The following SLC8B1 variants were observed in gnomAD, a reference collection of about 807,000 sequenced individuals.
The protein encoded by SLC8B1 is solute carrier family 8 member B1.
SLC8B1 carries 52 observed loss-of-function variants against 63.4 expected under a neutral mutation model. That is an observed-to-expected ratio of 0.82 (90% CI 0.66 to 1.03). The LOEUF is 1.03. Ranked by LOEUF, SLC8B1 falls within the 50% of genes least tolerant of loss-of-function variation. The pLI is 0.00. For synonymous variants in SLC8B1, 336 were observed against 323.9 expected (o/e 1.04, Z -0.40); for missense variants, 657 against 741.7 (o/e 0.89, Z 1.33).
intron 2 of SLC8B1, among the ~76,000 whole-genome samples, chr12:113,321,798 T>TATA (rs1956935987): frequency 3.4e-5 from 5 of 148,258 alleles, no homozygotes; most frequent in African/African-American, 1.3e-4. Context: ...ATATATATAT[T>TATA]AATATACCTT....
Position 113,304,361 on chromosome 12 carries a change from C to A in SLC8B1, c.1517G>T (p.Gly506Val). The A allele has an allele frequency of 6.2e-7, 1 of 1,613,898 alleles. No individual in the cohort carries two copies. Among genetic ancestry groups the A allele is most frequent in the Non-Finnish European group, 8.5e-7 (1 of 1,179,898 alleles). The change falls in exon 15 of 16, where the codon GGC (glycine) becomes GTC (valine). Residue 506 changes from glycine (G) to valine (V), a missense_variant. Coordinates refer to ENST00000680972, the MANE Select transcript of SLC8B1 (RefSeq NM_001358345.2). ...IFNILVGVGL[G>V]CLLQISRSHT... is the part of the protein sequence containing the mutation. ...GCTTCGGGAGATCTGGAGCAGGCAG[C>A]CCAGCCCCACACCCACGAGGATGTC...
chr12:113,330,375 C>T (rs571146141), intron 2 of SLC8B1, among the ~76,000 whole-genome samples: 156 of 152,302 alleles, frequency 1.0e-3, no homozygotes, highest in African/African-American at 3.6e-3. Flanking sequence ...TCCTGTGAGG[C>T]GGTGGACTAG....
At chr12:113,309,595 A>C (rs2136832528) in intron 12 of SLC8B1, among the ~76,000 whole-genome samples, 1 of 152,284 alleles carries the variant, frequency 6.6e-6, no homozygotes, top group Admixed American at 6.5e-5. Flanking sequence ...CTTTACAAAA[A>C]ACATACAAAA....
chr12:113,304,216 G>T (rs1335861570), intron 15 of SLC8B1, 105 bp downstream of exon 15: 2 of 1,000,358 alleles, frequency 2.0e-6, no homozygotes, highest in Admixed American at 3.5e-5. Context: ...TACAGCCAGG[G>T]ACTTAAGTGA....
chr12:113,310,190 T>C (rs1225184831), intron 12 of SLC8B1, 44 bp downstream of exon 12: 1 of 1,599,154 alleles, frequency 6.3e-7, no homozygotes, highest in Non-Finnish European at 8.5e-7. Context: ...GTGGGAGACA[T>C]CAGCATCCCT....
At position 113,317,012 on chromosome 12, in the gene SLC8B1, G is replaced by A. The variant is rs376144403; in HGVS notation, c.803-11C>T. 26 of 1,610,958 alleles carry A rather than the reference G, an allele frequency of 1.6e-5. No individual in the cohort carries two copies. The African/African-American group carries it at 2.8e-4, about 17-fold the overall frequency. On this transcript the variant is annotated splice_polypyrimidine_tract_variant and intron_variant, in intron 8 of 15. Transcript: ENST00000680972. Reference sequence around the variant, plus strand: ...AGTCTGAGAGGATCTCTGCAGGAGAGAGGCCCAGTTACATACAGAACCCAG... The same window carrying A: ...AGTCTGAGAGGATCTCTGCAGGAGAAAGGCCCAGTTACATACAGAACCCAG...
intron 11 of SLC8B1, among the ~76,000 whole-genome samples, chr12:113,312,901 CTTT>C (rs936736773): frequency 6.7e-6 from 1 of 149,786 alleles, no homozygotes; most frequent in African/African-American, 2.5e-5. Context: ...AGGTGGTTTA[CTTT>C]TTTTTTTCTT....
rs560333521 is a variant in SLC8B1, at chr12:113,319,152, T to C, written c.695-81A>G. Reference sequence around the variant, plus strand: ...CAACAGCTGGCAGTTCTATCAGTGGTGCGTGTTAGCGGTGGCAATCTGTGT... The same window carrying C: ...CAACAGCTGGCAGTTCTATCAGTGGCGCGTGTTAGCGGTGGCAATCTGTGT... On this transcript the variant is annotated intron_variant, in intron 7 of 15. Coordinates refer to ENST00000680972, the MANE Select transcript of SLC8B1 (RefSeq NM_001358345.2). 1,241 of 1,114,820 alleles carry C rather than the reference T, an allele frequency of 1.1e-3. 3 individuals carry two copies. The highest frequency in any genetic ancestry group is 1.5e-3 in the Non-Finnish European group (1,117 of 735,320). 69.1% of individuals were successfully genotyped at this position (1,114,820 alleles called of 1,614,324 possible).
At chr12:113,311,995 G>A (rs567328089) in intron 11 of SLC8B1, among the ~76,000 whole-genome samples, 1 of 152,154 alleles carries the variant, frequency 6.6e-6, no homozygotes, top group African/African-American at 2.4e-5. Flanking sequence ...GAGGTGGCTG[G>A]GGCGTGAAGA....
In SLC8B1 at chr12:113,315,495, TG is replaced by T; in HGVS notation, c.994-20del. 6.4e-7 allele frequency: 1 copy of T among 1,556,198 alleles called. No individual in the cohort carries two copies. Among genetic ancestry groups the T allele is most frequent in the South Asian group, 1.2e-5 (1 of 83,430 alleles). On this transcript the variant is annotated intron_variant, in intron 10 of 15. Transcript: ENST00000680972. ...CAGGCAGCTGTCAAGGGGGCAAAAG[TG>T]GGAGGGTGTCGGCAGGGAAGTCTGA... is the stretch of plus-strand genomic sequence containing the variant.
At chr12:113,308,341 G>A (rs969293329) in intron 12 of SLC8B1, 1 of 151,674 alleles carries the variant, frequency 6.6e-6, no homozygotes, top group Non-Finnish European at 1.5e-5. Context: ...GTGAGACTCT[G>A]TCTCGAAAAA....
intron 2 of SLC8B1, among the ~76,000 whole-genome samples, chr12:113,329,479 TGG>T (rs2136868177): frequency 6.6e-6 from 1 of 152,198 alleles, no homozygotes; most frequent in African/African-American, 2.4e-5. Flanking sequence ...GTCAGCAAGG[TGG>T]GTCCCCCAAA....
chr12:113,320,107 CT>C lies in SLC8B1; in HGVS notation c.694+223del. The C allele has an allele frequency of 1.8e-6, 1 of 560,106 alleles. No individual in the cohort carries two copies. The highest frequency in any genetic ancestry group is 3.1e-6 in the Non-Finnish European group (1 of 320,378). 34.7% of individuals were successfully genotyped at this position (560,106 alleles called of 1,614,324 possible). A position where few individuals can be genotyped will look rare whatever the true frequency, so the allele number is the denominator to read the frequency against. ...CACGCTTGGCCAAAAAATTGTGACA[CT>C]TTTGAATACTCCCTCCCCAGCCCCC... On this transcript the variant is annotated intron_variant, in intron 7 of 15. Transcript: ENST00000680972. This position sits in a 1 kb window ranked among gnomAD's most constrained non-coding sequence, Gnocchi z 5.3.
At chr12:113,318,382 A>G (rs1956869439) in intron 8 of SLC8B1, among the ~76,000 whole-genome samples, 1 of 150,396 alleles carries the variant, frequency 6.6e-6, no homozygotes, top group South Asian at 2.1e-4. Context: ...TGTGTTGTAT[A>G]TGTGTGCATG....
chr12:113,319,269 C>T (rs1956886523), intron 7 of SLC8B1, 198 bp from the exon 8 acceptor site: 3 of 544,264 alleles, frequency 5.5e-6, no homozygotes, highest in Non-Finnish European at 1.0e-5. Flanking sequence ...CTTCCTGTCT[C>T]CCTTGCAATC....
At chr12:113,326,450 C>T (rs2136863918) in intron 2 of SLC8B1, among the ~76,000 whole-genome samples, 1 of 152,278 alleles carries the variant, frequency 6.6e-6, no homozygotes, top group African/African-American at 2.4e-5. Flanking sequence ...TCACTGCAAC[C>T]TTTGCCTCCT....
rs952507267 is a variant in SLC8B1 at position 113,335,000 on chromosome 12, C to A, written c.-640G>T. On this transcript the variant is annotated 5_prime_UTR_variant, in exon 1 of 16. Coordinates refer to ENST00000680972, the MANE Select transcript of SLC8B1 (RefSeq NM_001358345.2). The stretch of plus-strand genomic sequence containing the variant: ...GAGGCGGCTCTTTCTTACCTCGGGC[C>A]GGGCCTGGGACCAGCAAACTCCGAA... 1 of 152,308 alleles carries A rather than the reference C, an allele frequency of 6.6e-6. No homozygotes were observed. The highest frequency in any genetic ancestry group is 1.5e-5 in the Non-Finnish European group (1 of 68,090). 9.4% of individuals were successfully genotyped at this position (152,308 alleles called of 1,614,324 possible).
At chr12:113,318,581 G>A (rs969341102) in intron 8 of SLC8B1, among the ~76,000 whole-genome samples, 1 of 152,170 alleles carries the variant, frequency 6.6e-6, no homozygotes, top group African/African-American at 2.4e-5. Flanking sequence ...GCATGTATTT[G>A]TGTATATGAC....
chr12:113,299,739 C>T lies in SLC8B1; in HGVS notation c.*38G>A, dbSNP rs778985869. On this transcript the variant is annotated 3_prime_UTR_variant, in exon 16 of 16. Coordinates refer to ENST00000680972, the MANE Select transcript of SLC8B1 (RefSeq NM_001358345.2). ...CTCCCCCGGCAGGAGGGGCGGGGCT[C>T]CTGCCTGCAGTGAGGCCACAGCACT... The T allele has an allele frequency of 3.2e-5, 52 of 1,603,930 alleles. No individual in the cohort carries two copies. Among genetic ancestry groups the T allele is most frequent in the Middle Eastern group, 1.7e-4 (1 of 5,774 alleles).
Sources: gnomAD v4.1 joint callset for allele counts (sites outside exome capture counted in the v4.1 genomes callset) on GRCh38, gnomAD v4.1.1 for gene constraint, Gnocchi (gnomAD v3.1) non-coding constraint, MANE v1.5 for transcripts, NCBI Gene and HGNC (gene_info 2026-07-23, HGNC 2026-07-21) for gene names.